The following RSU1 variants were observed in gnomAD, a reference collection of about 807,000 sequenced individuals.
The protein encoded by RSU1 is rsu-1.
A neutral mutation model predicts 31.1 loss-of-function variants in RSU1; 26 were observed. The ratio of observed to expected loss-of-function variants is 0.84; its 90% CI spans 0.61 to 1.16. The LOEUF (loss-of-function observed/expected upper bound fraction) is 1.16, where lower values mean the gene tolerates loss of function less well. RSU1 is among the 50% of genes most tolerant of loss of function. The pLI is 0.00. For missense variants in RSU1, 320 were observed against 339.1 expected (o/e 0.94, Z 0.44); for synonymous variants, 164 against 136.3 (o/e 1.20, Z -1.41).
intron 3 of RSU1, among the ~76,000 whole-genome samples, chr10:16,774,621 T>C (rs1837491064): frequency 6.6e-6 from 1 of 152,134 alleles, no homozygotes. Context: ...CATGCAAACA[T>C]ACTAGTGTTA....
intron 8 of RSU1, among the ~76,000 whole-genome samples, chr10:16,689,474 G>C (rs181688107): frequency 6.0e-4 from 92 of 152,288 alleles, no homozygotes; most frequent in African/African-American, 2.2e-3. Flanking sequence ...GCCCATGTAC[G>C]TCCATTACAG....
At chr10:16,735,185 T>A (rs868463402) in intron 7 of RSU1, among the ~76,000 whole-genome samples, 2 of 152,276 alleles carry the variant, frequency 1.3e-5, no homozygotes, top group Middle Eastern at 3.4e-3. Flanking sequence ...CATTAACAGA[T>A]AAGTTAAAAA....
intron 8 of RSU1, among the ~76,000 whole-genome samples, chr10:16,671,125 T>A (rs1835097817): frequency 6.6e-6 from 1 of 152,164 alleles, no homozygotes. Flanking sequence ...TAGAACAATT[T>A]ACACCTACTC....
At chr10:16,673,832 T>C (rs556353848) in intron 8 of RSU1, among the ~76,000 whole-genome samples, 32 of 152,286 alleles carry the variant, frequency 2.1e-4, no homozygotes, top group South Asian at 8.3e-4. Context: ...TCTAAGTACT[T>C]TTTCTGACTT....
chr10:16,795,626 G>A (rs973112932), intron 2 of RSU1, among the ~76,000 whole-genome samples: 2 of 152,128 alleles, frequency 1.3e-5, no homozygotes, highest in African/African-American at 4.8e-5. Context: ...CAAACAAGAA[G>A]CTGATTAATT....
intron 8 of RSU1, among the ~76,000 whole-genome samples, chr10:16,658,151 C>T (rs760470684): frequency 1.1e-4 from 17 of 152,242 alleles, no homozygotes; most frequent in Non-Finnish European, 2.2e-4. Context: ...TCCTTTATTC[C>T]AATCACTACA....
At chr10:16,636,053 G>A (rs1014385582) in intron 8 of RSU1, among the ~76,000 whole-genome samples, 1 of 152,170 alleles carries the variant, frequency 6.6e-6, no homozygotes, top group Non-Finnish European at 1.5e-5. Context: ...TGCTGCTGGT[G>A]CCTCCAGGCT....
chr10:16,684,392 TA>T (rs998183453), intron 8 of RSU1, among the ~76,000 whole-genome samples: 1 of 152,136 alleles, frequency 6.6e-6, no homozygotes, highest in African/African-American at 2.4e-5. Context: ...TTTGGCAAGA[TA>T]AAAAAACCAG....
chr10:16,702,805 G>A (rs1276643791), intron 7 of RSU1, among the ~76,000 whole-genome samples: 1 of 152,182 alleles, frequency 6.6e-6, no homozygotes, highest in Non-Finnish European at 1.5e-5. Context: ...AGTTGGGAAG[G>A]CATGATTATA....
chr10:16,598,208 C>T (rs964997974), intron 8 of RSU1, among the ~76,000 whole-genome samples: 10 of 152,168 alleles, frequency 6.6e-5, no homozygotes, highest in East Asian at 5.8e-4. Flanking sequence ...TGGATGATCC[C>T]GTGGGCTCAG....
At position 16,817,348 on chromosome 10, in the gene RSU1, A is replaced by C. The variant is rs1010560334; in HGVS notation, c.-37T>G. On this transcript the variant is annotated 5_prime_UTR_variant, in exon 1 of 9. Transcript: ENST00000345264. ...GTAGCCCCTAAGACGATGGGCGTGCAACCACAAGCTTCGGCAGAACGCACT... is the reference window on the plus strand; with the variant it reads ...GTAGCCCCTAAGACGATGGGCGTGCCACCACAAGCTTCGGCAGAACGCACT... 2.3e-6 allele frequency: 1 copy of C among 434,074 alleles called. No homozygotes were observed. Among genetic ancestry groups the C allele is most frequent in the African/African-American group, 2.0e-5 (1 of 49,602 alleles). 26.9% of individuals were successfully genotyped at this position (434,074 alleles called of 1,614,324 possible). A position where few individuals can be genotyped will look rare whatever the true frequency, so the allele number is the denominator to read the frequency against.
chr10:16,639,804 G>A (rs947026861), intron 8 of RSU1, among the ~76,000 whole-genome samples: 1 of 152,192 alleles, frequency 6.6e-6, no homozygotes, highest in Non-Finnish European at 1.5e-5. Context: ...CTATCTGTCT[G>A]TGCCTGGAAA....
At chr10:16,712,749 A>T (rs1836047496) in intron 7 of RSU1, among the ~76,000 whole-genome samples, 1 of 152,152 alleles carries the variant, frequency 6.6e-6, no homozygotes. Flanking sequence ...TTTACATAGG[A>T]CCATTAAATC....
chr10:16,691,277 T>G (rs1019207277), intron 8 of RSU1, among the ~76,000 whole-genome samples: 1 of 152,084 alleles, frequency 6.6e-6, no homozygotes, highest in African/African-American at 2.4e-5. Context: ...TGTATGAGGA[T>G]ATACTTAATA....
In RSU1 at chr10:16,695,171, A is replaced by AAG; in HGVS notation, c.599-17_599-16insCT. ...TCCAAGTTTCCTGGGGGGGGGGAAAAAAAAAGTGAAGGTCACTTCATCCAA... is the reference window on the plus strand; with the variant it reads ...TCCAAGTTTCCTGGGGGGGGGGAAAAAGAAAAAGTGAAGGTCACTTCATCCAA... On this transcript the variant is annotated splice_polypyrimidine_tract_variant and intron_variant, in intron 7 of 8. Coordinates refer to ENST00000345264, the MANE Select transcript of RSU1 (RefSeq NM_012425.4). 6 of 1,518,666 alleles carry AAG rather than the reference A, an allele frequency of 4.0e-6. No individual in the cohort carries two copies. Among genetic ancestry groups the AAG allele is most frequent in the East Asian group, 2.4e-5 (1 of 42,350 alleles). The allele number at this position is 1,518,666 out of a possible 1,614,324, so 94.1% of individuals were successfully genotyped here.
At chr10:16,775,176 G>A (rs1320291907) in intron 3 of RSU1, among the ~76,000 whole-genome samples, 1 of 152,186 alleles carries the variant, frequency 6.6e-6, no homozygotes, top group African/African-American at 2.4e-5. Context: ...TGATATAGGA[G>A]AGAGGGCATC....
At chr10:16,670,134 G>A (rs1217007100) in intron 8 of RSU1, among the ~76,000 whole-genome samples, 1 of 152,176 alleles carries the variant, frequency 6.6e-6, no homozygotes, top group Non-Finnish European at 1.5e-5. Flanking sequence ...AGCTGACCAG[G>A]TGAATTGTTT....
chr10:16,707,448 T>C (rs1330296630), intron 7 of RSU1, among the ~76,000 whole-genome samples: 1 of 152,170 alleles, frequency 6.6e-6, no homozygotes, highest in Non-Finnish European at 1.5e-5. Flanking sequence ...TTTATCGTGG[T>C]TCTGATTTGC....
chr10:16,783,364 C>CTTTTTGTTTTTTTTTTTTT (rs1837698464), intron 2 of RSU1, among the ~76,000 whole-genome samples: 1 of 132,072 alleles, frequency 7.6e-6, no homozygotes, highest in African/African-American at 3.2e-5. Flanking sequence ...ACAACTTTTG[C>CTTTTTGTTTTTTTTTTTTT]TTTTTTTTTT....
Sources: gnomAD v4.1 joint callset for allele counts (sites outside exome capture counted in the v4.1 genomes callset) on GRCh38, gnomAD v4.1.1 for gene constraint, MANE v1.5 for transcripts, NCBI Gene and HGNC (gene_info 2026-07-23, HGNC 2026-07-21) for gene names.